CBX5: variants seen among roughly 807,000 people sequenced by gnomAD.
CBX5 encodes the protein chromobox protein homolog 5.
Under a neutral mutation model 20.7 loss-of-function variants are expected in CBX5, and 7 were observed. That is an observed-to-expected ratio of 0.34 (90% CI 0.19 to 0.63). The LOEUF is 0.63. Among genes scored for constraint, CBX5 ranks in the 30% least tolerant of loss-of-function variants. CBX5 has a pLI of 0.75. For missense variants in CBX5, 110 were observed against 224.1 expected, an observed-to-expected ratio of 0.49 and a Z score of 3.25; for synonymous variants, 78 against 77.0, an observed-to-expected ratio of 1.01 and a Z score of -0.07.
chr12:54,272,520 T>C (rs1219647849), intron 1 of CBX5: 1 of 152,240 alleles, frequency 6.6e-6, no homozygotes, highest in Non-Finnish European at 1.5e-5. Flanking sequence ...ACACAGTCTA[T>C]AGTCTCACTA....
chr12:54,272,840 C>T (rs1944023158), intron 1 of CBX5: 1 of 152,180 alleles, frequency 6.6e-6, no homozygotes. Flanking sequence ...GGCTTGTTAA[C>T]GATCACTTAT....
At chr12:54,260,373 G>C (rs529037508) in intron 1 of CBX5, among the ~76,000 whole-genome samples, 1 of 152,082 alleles carries the variant, frequency 6.6e-6, no homozygotes, top group South Asian at 2.1e-4. Context: ...GGCGCATATA[G>C]TCCCAGCTCC....
chr12:54,252,258 A>T, intron 2 of CBX5, 31 bp from the exon 3 acceptor site: 2 of 1,513,146 alleles, frequency 1.3e-6, no homozygotes, highest in Non-Finnish European at 8.9e-7. Context: ...AATTAAAAAA[A>T]AAAGGGGGGG....
intron 1 of CBX5, among the ~76,000 whole-genome samples, chr12:54,258,747 C>G (rs1244162890): frequency 1.3e-5 from 2 of 152,248 alleles, no homozygotes; most frequent in South Asian, 4.1e-4. Flanking sequence ...GTCTGGATTA[C>G]AGAGTAGCAG....
At chr12:54,277,627 C>T (rs751150073) in intron 1 of CBX5, among the ~76,000 whole-genome samples, 7 of 152,086 alleles carry the variant, frequency 4.6e-5, no homozygotes, top group Non-Finnish European at 7.4e-5. Context: ...CATGAGCCAC[C>T]GGCGCCAGAC....
intron 1 of CBX5, among the ~76,000 whole-genome samples, chr12:54,268,195 G>A (rs540491990): frequency 1.3e-5 from 2 of 152,144 alleles, no homozygotes; most frequent in East Asian, 1.9e-4. Context: ...CCTGGGCCAT[G>A]TATTATGATC....
At chr12:54,263,048 A>G (rs972334934) in intron 1 of CBX5, 1 of 152,304 alleles carries the variant, frequency 6.6e-6, no homozygotes, top group Non-Finnish European at 1.5e-5. Flanking sequence ...TATAGATTAC[A>G]GCACCTAAGG....
intron 3 of CBX5, among the ~76,000 whole-genome samples, chr12:54,247,814 T>C (rs577293238): frequency 6.6e-6 from 1 of 151,656 alleles, no homozygotes; most frequent in African/African-American, 2.4e-5. Context: ...GCTGGGATTA[T>C]AGGTGCCTGC....
intron 1 of CBX5, among the ~76,000 whole-genome samples, chr12:54,275,088 C>A (rs985270151): frequency 6.6e-6 from 1 of 152,116 alleles, no homozygotes; most frequent in Non-Finnish European, 1.5e-5. Flanking sequence ...CAAATCCAGC[C>A]GCTTCAAATG....
rs1943621327 is a variant in CBX5 at position 54,236,267 on chromosome 12, G to A, written c.*5488C>T. On this transcript the variant is annotated 3_prime_UTR_variant, in exon 5 of 5. Transcript: ENST00000209875. The stretch of plus-strand genomic sequence containing the variant: ...TTTTGAACAGAAACATAGCTTGTAA[G>A]CACTTAAACTATTAATGGTCAGTTC... 1 of 152,042 alleles carries A rather than the reference G, an allele frequency of 6.6e-6. No individual in the cohort carries two copies. The highest frequency in any genetic ancestry group is 2.4e-5 in the African/African-American group (1 of 41,388). The allele number at this position is 152,042 out of a possible 1,614,324, so 9.4% of individuals were successfully genotyped here.
At chr12:54,274,604 G>A (rs1285905159) in intron 1 of CBX5, among the ~76,000 whole-genome samples, 5 of 152,132 alleles carry the variant, frequency 3.3e-5, no homozygotes, top group Non-Finnish European at 7.4e-5. Flanking sequence ...TTAATTAAAT[G>A]GGCTATACCA....
chr12:54,239,745 G>C lies in CBX5; in HGVS notation c.*2010C>G, dbSNP rs963338362. On this transcript the variant is annotated 3_prime_UTR_variant, in exon 5 of 5. Coordinates refer to ENST00000209875, the MANE Select transcript of CBX5 (RefSeq NM_012117.3). ...CATTACCATTCAGAAGGATTTTCCTGGCTGACTTAAACCAAAAGCTTCATT... is the reference window on the plus strand; with the variant it reads ...CATTACCATTCAGAAGGATTTTCCTCGCTGACTTAAACCAAAAGCTTCATT... 2.0e-5 allele frequency: 3 copies of C among 152,178 alleles called. No homozygotes were observed. The highest frequency in any genetic ancestry group is 7.2e-5 in the African/African-American group (3 of 41,438). 9.4% of individuals were successfully genotyped at this position (152,178 alleles called of 1,614,324 possible).
chr12:54,262,186 T>C (rs945707800), intron 1 of CBX5, among the ~76,000 whole-genome samples: 4 of 152,160 alleles, frequency 2.6e-5, no homozygotes, highest in African/African-American at 7.2e-5. Flanking sequence ...AAAAGACTAA[T>C]AGTAACTCTG....
chr12:54,263,106 A>G (rs1943926330), intron 1 of CBX5, among the ~76,000 whole-genome samples: 1 of 152,204 alleles, frequency 6.6e-6, no homozygotes, highest in South Asian at 2.1e-4. Context: ...CACGCCTGTA[A>G]TCCCAGCACT....
intron 1 of CBX5, among the ~76,000 whole-genome samples, chr12:54,265,070 C>T (rs2137026981): frequency 6.6e-6 from 1 of 152,320 alleles, no homozygotes; most frequent in Non-Finnish European, 1.5e-5. Context: ...CTCCCTATCA[C>T]ATGGATTAAT....
At chr12:54,271,402 T>C (rs917809324) in intron 1 of CBX5, among the ~76,000 whole-genome samples, 19 of 152,378 alleles carry the variant, frequency 1.2e-4, no homozygotes, top group African/African-American at 4.3e-4. Flanking sequence ...CTCCGCTCAC[T>C]GCAACCTCCA....
At chr12:54,276,387 A>T (rs2137034167) in intron 1 of CBX5, among the ~76,000 whole-genome samples, 1 of 152,322 alleles carries the variant, frequency 6.6e-6, no homozygotes, top group East Asian at 1.9e-4. Context: ...CCTAACACAA[A>T]GCCTGTTTTA....
chr12:54,256,855 C>T (rs1323139338), intron 2 of CBX5, among the ~76,000 whole-genome samples: 2 of 152,088 alleles, frequency 1.3e-5, no homozygotes, highest in Non-Finnish European at 2.9e-5. Flanking sequence ...AAGTTCGAGA[C>T]CAGCCTGAGT....
chr12:54,252,262 G>T, intron 2 of CBX5, 35 bp from the exon 3 acceptor site: 1 of 1,348,662 alleles, frequency 7.4e-7, no homozygotes, highest in Non-Finnish European at 1.0e-6. Context: ...AAAAAAAAAA[G>T]GGGGGGGTAA....
Sources: gnomAD v4.1 joint callset for allele counts (sites outside exome capture counted in the v4.1 genomes callset) on GRCh38, gnomAD v4.1.1 for gene constraint, MANE v1.5 for transcripts, NCBI Gene and HGNC (gene_info 2026-07-23, HGNC 2026-07-21) for gene names.